The following USH2A variants were observed in gnomAD, a reference collection of about 807,000 sequenced individuals.
The protein encoded by USH2A is usherin.
In USH2A, 443 loss-of-function variants were observed where a neutral mutation model predicts 538.9. The observed-to-expected ratio is 0.82, with a 90% CI of 0.76 to 0.89. USH2A has a LOEUF of 0.89. USH2A is among the 40% of genes least tolerant of loss of function. The pLI, the probability that USH2A is intolerant of heterozygous loss-of-function variation, is 0.00. For synonymous variants in USH2A, 2,413 were observed against 2,273.5 expected, an observed-to-expected ratio of 1.06 and a Z score of -1.75; for missense variants, 6,633 against 6,324.8, an observed-to-expected ratio of 1.05 and a Z score of -1.65.
chr1:216,380,894 T>C (rs2038912170), intron 3 of USH2A, among the ~76,000 whole-genome samples: 1 of 152,174 alleles, frequency 6.6e-6, no homozygotes, highest in Non-Finnish European at 1.5e-5. Flanking sequence ...TTTGTATATT[T>C]ACTTATATTA....
intron 4 of USH2A, among the ~76,000 whole-genome samples, chr1:216,353,738 C>G (rs1002442545): frequency 6.6e-6 from 1 of 152,116 alleles, no homozygotes; most frequent in African/African-American, 2.4e-5. Context: ...AGTTCAACAT[C>G]TGCTTTAAAT....
At chr1:216,009,201 C>T (rs373591575) in intron 32 of USH2A, among the ~76,000 whole-genome samples, 1 of 152,022 alleles carries the variant, frequency 6.6e-6, no homozygotes, top group African/African-American at 2.4e-5. Context: ...AACCCCTGAA[C>T]CCCTTCCCTC....
intron 21 of USH2A, among the ~76,000 whole-genome samples, chr1:216,144,665 C>T (rs962013646): frequency 1.2e-4 from 18 of 152,160 alleles, no homozygotes; most frequent in African/African-American, 4.3e-4. Context: ...AGCTTTTCGC[C>T]TACCTGACCA....
intron 38 of USH2A, among the ~76,000 whole-genome samples, chr1:215,931,240 C>A (rs893867611): frequency 6.6e-6 from 1 of 151,944 alleles, no homozygotes; most frequent in Non-Finnish European, 1.5e-5. Flanking sequence ...TTGTGTTTAT[C>A]ATATTCTTAA....
intron 30 of USH2A, among the ~76,000 whole-genome samples, chr1:216,069,517 A>C (rs766743881): frequency 7.9e-5 from 12 of 152,144 alleles, no homozygotes; most frequent in Non-Finnish European, 1.8e-4. Context: ...TATTTCATGA[A>C]GCTGAAAAAT....
intron 37 of USH2A, among the ~76,000 whole-genome samples, chr1:215,937,026 C>T (rs1269471989): frequency 2.6e-5 from 4 of 151,942 alleles, no homozygotes; most frequent in African/African-American, 9.7e-5. Context: ...TCTACTGTTA[C>T]AAAATACTCA....
intron 29 of USH2A, among the ~76,000 whole-genome samples, chr1:216,071,607 T>C (rs2031559700): frequency 6.6e-6 from 1 of 152,204 alleles, no homozygotes; most frequent in African/African-American, 2.4e-5. Context: ...TGTGGTCAGA[T>C]CATTGCTATA....
chr1:215,870,655 G>T (rs1253550996), intron 43 of USH2A, among the ~76,000 whole-genome samples: 2 of 151,890 alleles, frequency 1.3e-5, no homozygotes, highest in Non-Finnish European at 2.9e-5. Flanking sequence ...CATTTCATCT[G>T]AATTCCAATC....
At chr1:215,757,178 T>C (rs1660838505) in intron 58 of USH2A, among the ~76,000 whole-genome samples, 1 of 152,220 alleles carries the variant, frequency 6.6e-6, no homozygotes, top group South Asian at 2.1e-4. Context: ...ACATTTATTT[T>C]AAACAAAAGT....
intron 48 of USH2A, among the ~76,000 whole-genome samples, chr1:215,816,460 C>T (rs116461420): frequency 0.01 from 1,580 of 152,002 alleles, 32 homozygotes; most frequent in African/African-American, 0.036. Context: ...GCTGTTGTTG[C>T]CAAATAGGAA....
At chr1:216,095,755 G>A (rs142036718) in intron 22 of USH2A, among the ~76,000 whole-genome samples, 1,579 of 152,188 alleles carry the variant, frequency 0.01, 10 homozygotes, top group Non-Finnish European at 0.015. Flanking sequence ...TTTGAGTCTG[G>A]CAGGGTCCTC....
At position 215,675,352 on chromosome 1, in the gene USH2A, G is replaced by A. The variant is rs760177550; in HGVS notation, c.12559C>T (p.Arg4187Cys). The A allele has an allele frequency of 6.2e-6, 10 of 1,613,934 alleles. No individual in the cohort carries two copies. In the Admixed American group the frequency reaches 6.7e-5, roughly 11 times the overall value. ...AAGCATCTGCGAATCACTTCATAGC[G>A]AATTATTTTTCCATTTGGGTTAACA... ...EPVNPNGKIIRYEVIRRCFEG... is the reference protein window; with the variant it reads ...EPVNPNGKIICYEVIRRCFEG... The change falls in exon 63 of 72, where the codon CGC becomes TGC. Residue 4187 changes from arginine (R) to cysteine (C), a missense_variant. Arg to Cys is a radical substitution (Grantham distance 180, BLOSUM62 -3). Coordinates refer to ENST00000307340, the MANE Select transcript of USH2A (RefSeq NM_206933.4).
At position 216,127,284 on chromosome 1, in the gene USH2A, C is replaced by G. The variant is rs192626299; in HGVS notation, c.4628-30071G>C. ...ATGGCCAAACTCTTTCATAAATGTA[C>G]TCATTGATGACTGAGATACAGAGGA... On this transcript the variant is annotated intron_variant, in intron 21 of 71. Coordinates refer to ENST00000307340, the MANE Select transcript of USH2A (RefSeq NM_206933.4). 2.6e-5 allele frequency among the ~76,000 whole-genome samples: 4 copies of G among 152,274 alleles called. No individual in the cohort carries two copies. The East Asian group carries it at 7.7e-4, about 29-fold the overall frequency.
At chr1:216,310,766 G>GT (rs2037405420) in intron 9 of USH2A, among the ~76,000 whole-genome samples, 1 of 152,150 alleles carries the variant, frequency 6.6e-6, no homozygotes, top group African/African-American at 2.4e-5. Context: ...AGATCACTGA[G>GT]TTTTCTTAAA....
chr1:216,007,372 T>C (rs375816381), intron 32 of USH2A, among the ~76,000 whole-genome samples: 3 of 152,180 alleles, frequency 2.0e-5, no homozygotes, highest in East Asian at 1.9e-4. Context: ...AAAAATCTTC[T>C]GGACAGAGTG....
rs562368832 is a variant in USH2A at position 215,769,537 on chromosome 1, T to C, written c.10940-2749A>G. 5.5e-3 allele frequency among the ~76,000 whole-genome samples: 834 copies of C among 152,294 alleles called. 8 individuals carry two copies. The highest frequency in any genetic ancestry group is 0.014 in the South Asian group (69 of 4,824). ...AGCCTAGAATTTGAGAAGGCAGGTG[T>C]TTAGGCATGGTACAGCAGTAGAGCA... On this transcript the variant is annotated intron_variant, in intron 55 of 71. Coordinates refer to ENST00000307340, the MANE Select transcript of USH2A (RefSeq NM_206933.4).
chr1:215,630,056 G>C, intron 70 of USH2A: 1 of 507,006 alleles, frequency 2.0e-6, no homozygotes, highest in Non-Finnish European at 3.9e-6. Context: ...TTTTTCAGTA[G>C]AGTTTTCACT....
Position 215,844,322 on chromosome 1 carries a change from A to G in USH2A, c.9230T>C (p.Leu3077Pro), listed in dbSNP as rs777164970. 1 of 1,613,714 alleles carries G rather than the reference A, an allele frequency of 6.2e-7. No homozygotes were observed. Among genetic ancestry groups the G allele is most frequent in the East Asian group, 2.2e-5 (1 of 44,860 alleles). ...AATGTCATAGATAGTGAAGGGAGAC[A>G]GGTCTCTCAGAATAAACGACCCAGG... The part of the protein sequence containing the change: ...NVPGSFILRD[L>P]SPFTIYDIQV... The change falls in exon 46 of 72, where the codon CTG (leucine) becomes CCG (proline). Residue 3077 changes from leucine to proline, a missense_variant. By Grantham distance (98) the Leu-to-Pro change is moderately conservative. Coordinates refer to ENST00000307340, the MANE Select transcript of USH2A (RefSeq NM_206933.4).
chr1:216,200,668 A>G (rs532300326), intron 16 of USH2A, among the ~76,000 whole-genome samples: 13 of 152,352 alleles, frequency 8.5e-5, no homozygotes, highest in South Asian at 6.2e-4. Context: ...GAAGTTTTAG[A>G]TAAGCAGGAC....
Sources: gnomAD v4.1 joint callset for allele counts (sites outside exome capture counted in the v4.1 genomes callset) on GRCh38, gnomAD v4.1.1 for gene constraint, MANE v1.5 for transcripts, NCBI Gene and HGNC (gene_info 2026-07-23, HGNC 2026-07-21) for gene names.